VTI1A: variants seen among roughly 807,000 people sequenced by gnomAD.
VTI1A encodes the protein vesicle transport through interaction with t-SNAREs 1A.
A neutral mutation model predicts 34.9 loss-of-function variants in VTI1A; 22 were observed. The ratio of observed to expected loss-of-function variants is 0.63; its 90% CI spans 0.45 to 0.90. VTI1A has a LOEUF of 0.90. VTI1A is among the 40% of genes least tolerant of loss of function. The pLI, the probability that VTI1A is intolerant of heterozygous loss-of-function variation, is 0.00. For synonymous variants in VTI1A, 87 were observed against 97.3 expected (o/e 0.89, Z 0.62); for missense variants, 268 against 275.6 (o/e 0.97, Z 0.20).
In VTI1A at chr10:112,762,346, G is replaced by T. The variant is rs550036026; in HGVS notation, c.561-52944G>T. On this transcript the variant is annotated intron_variant, in intron 7 of 7. Transcript: ENST00000393077. Reference sequence around the variant, plus strand: ...GTGAAGTTGGACAAAAGTAGGCTGAGAACTTTTTTTTTTCTCCTGAATGGA... The same window carrying T: ...GTGAAGTTGGACAAAAGTAGGCTGATAACTTTTTTTTTTCTCCTGAATGGA... Among the ~76,000 whole-genome samples the T allele has an allele frequency of 2.6e-5, 4 of 152,162 alleles. No homozygotes were observed. In the East Asian group the frequency reaches 7.7e-4, roughly 29 times the overall value.
At chr10:112,737,759 A>C in intron 7 of VTI1A, 1 of 1,059,890 alleles carries the variant, frequency 9.4e-7, no homozygotes, top group Non-Finnish European at 1.1e-6. Context: ...CTCTCAGGAC[A>C]TACTTCTGGA....
the VTI1A span, among the ~76,000 whole-genome samples, chr10:112,839,397 G>A: frequency 2.0e-5 from 3 of 152,232 alleles, no homozygotes; most frequent in African/African-American, 7.2e-5. Flanking sequence ...AAATGCTGAG[G>A]AACCCGGTGG....
intron 5 of VTI1A, among the ~76,000 whole-genome samples, chr10:112,596,745 T>C (rs1293489947): frequency 7.2e-5 from 11 of 152,212 alleles, no homozygotes; most frequent in Admixed American, 6.5e-4. Context: ...GCTGATAATT[T>C]CTCTTACATT....
rs149771226 is a variant in VTI1A at position 112,626,006 on chromosome 10, A to G, written c.428-42212A>G. 1.6e-3 allele frequency among the ~76,000 whole-genome samples: 249 copies of G among 152,362 alleles called. 2 individuals are homozygous for G. The highest frequency in any genetic ancestry group is 4.5e-3 in the African/African-American group (186 of 41,592). On this transcript the variant is annotated intron_variant, in intron 5 of 7. Transcript: ENST00000393077. ...TTTTTATTACTGTTTTGTCTATTCT[A>G]ATCTTTCCGTTTTCCCCAAGAAAAT... is the stretch of plus-strand genomic sequence containing the variant.
At chr10:112,666,365 T>C (rs1454836586) in intron 5 of VTI1A, among the ~76,000 whole-genome samples, 1 of 152,224 alleles carries the variant, frequency 6.6e-6, no homozygotes, top group African/African-American at 2.4e-5. Context: ...TTTTCTGCCA[T>C]GAAAGGAATA....
intron 5 of VTI1A, among the ~76,000 whole-genome samples, chr10:112,634,510 CACAT>C (rs1409060772): frequency 0.024 from 1,678 of 70,166 alleles, 26 homozygotes; most frequent in African/African-American, 0.08. Flanking sequence ...GACACACACA[CACAT>C]ACACACACAC....
In VTI1A at chr10:112,767,645, G is replaced by A. The variant is rs921056813; in HGVS notation, c.561-47645G>A. ...GCATTCGTTTGAGTTTTCAACTAAAGGGTCTTTCCTGCCTGCCTACCTTAT... is the reference window on the plus strand; with the variant it reads ...GCATTCGTTTGAGTTTTCAACTAAAAGGTCTTTCCTGCCTGCCTACCTTAT... On this transcript the variant is annotated intron_variant, in intron 7 of 7. Coordinates refer to ENST00000393077, the MANE Select transcript of VTI1A (RefSeq NM_145206.4). The surrounding 1 kb of genome is among the most constrained non-coding windows in gnomAD (Gnocchi z 4.0). Among the ~76,000 whole-genome samples, 1 of 151,928 alleles carries A rather than the reference G, an allele frequency of 6.6e-6. No individual in the cohort carries two copies. Among genetic ancestry groups the A allele is most frequent in the South Asian group, 2.1e-4 (1 of 4,816 alleles).
chr10:112,552,768 T>C (rs2134302845), intron 5 of VTI1A, among the ~76,000 whole-genome samples: 1 of 152,346 alleles, frequency 6.6e-6, no homozygotes, highest in Non-Finnish European at 1.5e-5. Context: ...TTTTTCTTCC[T>C]ACTTGGGCTT....
chr10:112,734,211 G>T (rs1194140027), intron 7 of VTI1A, among the ~76,000 whole-genome samples: 1 of 152,016 alleles, frequency 6.6e-6, no homozygotes, highest in Non-Finnish European at 1.5e-5. Flanking sequence ...TTACCAGCAG[G>T]CCAAGGCTGC....
chr10:112,620,717 G>T (rs1845703259), intron 5 of VTI1A, among the ~76,000 whole-genome samples: 1 of 151,520 alleles, frequency 6.6e-6, no homozygotes, highest in African/African-American at 2.4e-5. Context: ...TTGAACCCAG[G>T]AGGCAGAGGT....
intron 3 of VTI1A, among the ~76,000 whole-genome samples, chr10:112,491,147 G>A (rs2134124817): frequency 6.6e-6 from 1 of 152,188 alleles, no homozygotes; most frequent in African/African-American, 2.4e-5. Flanking sequence ...GTAGGCAGGA[G>A]ACTTACATCA....
chr10:112,680,032 A>G (rs1848161675), intron 7 of VTI1A, among the ~76,000 whole-genome samples: 2 of 152,196 alleles, frequency 1.3e-5, no homozygotes, highest in Admixed American at 1.3e-4. Flanking sequence ...TCCAAAAAAA[A>G]GTTGAGAAAA....
At chr10:112,507,632 C>A (rs967814951) in intron 3 of VTI1A, among the ~76,000 whole-genome samples, 13 of 152,278 alleles carry the variant, frequency 8.5e-5, no homozygotes, top group Admixed American at 2.0e-4. Context: ...TGCTGCCTTG[C>A]AACCCTCCTT....
At chr10:112,636,482 T>G (rs1182651662) in intron 5 of VTI1A, among the ~76,000 whole-genome samples, 1 of 151,992 alleles carries the variant, frequency 6.6e-6, no homozygotes, top group Non-Finnish European at 1.5e-5. Context: ...TACCAGCACT[T>G]TGGGAGGCCG....
chr10:112,758,546 A>T (rs148450409), intron 7 of VTI1A, among the ~76,000 whole-genome samples: 1 of 152,198 alleles, frequency 6.6e-6, no homozygotes, highest in African/African-American at 2.4e-5. Flanking sequence ...CCAAGACCCA[A>T]TGCTGCAAGA....
At chr10:112,501,762 T>C (rs1187062913) in intron 3 of VTI1A, among the ~76,000 whole-genome samples, 2 of 151,820 alleles carry the variant, frequency 1.3e-5, no homozygotes, top group Non-Finnish European at 2.9e-5. Context: ...TGGGGATAAT[T>C]GAGCAACTTA....
intron 7 of VTI1A, among the ~76,000 whole-genome samples, chr10:112,768,559 T>C (rs1212874881): frequency 6.6e-6 from 1 of 152,208 alleles, no homozygotes; most frequent in African/African-American, 2.4e-5. Flanking sequence ...CCTCTATCTG[T>C]TCTGGTTCTC....
chr10:112,712,474 TCACACACACACACACA>T (rs60129148), intron 7 of VTI1A, among the ~76,000 whole-genome samples: 41 of 143,488 alleles, frequency 2.9e-4, no homozygotes, highest in Admixed American at 1.9e-3. Flanking sequence ...TCAACTATTA[TCACACACACACACACA>T]CACACACACA....
intron 3 of VTI1A, among the ~76,000 whole-genome samples, chr10:112,486,460 C>T (rs561366486): frequency 6.6e-5 from 10 of 152,062 alleles, no homozygotes; most frequent in Middle Eastern, 3.4e-3. Context: ...TTTGGAAATC[C>T]TTATTACAGT....
Sources: gnomAD v4.1 joint callset for allele counts (sites outside exome capture counted in the v4.1 genomes callset) on GRCh38, gnomAD v4.1.1 for gene constraint, Gnocchi (gnomAD v3.1) non-coding constraint, MANE v1.5 for transcripts, NCBI Gene and HGNC (gene_info 2026-07-23, HGNC 2026-07-21) for gene names.